Variants in PPP3CA observed in about 807,000 individuals in gnomAD.
PPP3CA encodes protein phosphatase 3 catalytic subunit alpha.
Under a neutral mutation model 66.5 loss-of-function variants are expected in PPP3CA, and 14 were observed. The ratio of observed to expected loss-of-function variants is 0.21; its 90% CI spans 0.14 to 0.33. PPP3CA has a LOEUF of 0.33. Among genes scored for constraint, PPP3CA ranks in the 10% least tolerant of loss-of-function variants. The probability of loss-of-function intolerance (pLI) is 1.00; values close to 1 mark genes in which losing one functional copy is unlikely to be tolerated. For missense variants in PPP3CA, 317 were observed against 639.5 expected (o/e 0.50, Z 5.44); for synonymous variants, 232 against 226.2 (o/e 1.03, Z -0.23).
intron 1 of PPP3CA, among the ~76,000 whole-genome samples, chr4:101,207,645 G>T (rs1436480803): frequency 6.6e-6 from 1 of 152,120 alleles, no homozygotes; most frequent in Admixed American, 6.5e-5. Context: ...TGGCCAACAT[G>T]GTGAAACCCC....
Position 101,223,871 on chromosome 4 carries a change from C to T in PPP3CA, c.59-27755G>A, listed in dbSNP as rs200790655. On this transcript the variant is annotated intron_variant, in intron 1 of 13. Transcript: ENST00000394854. Reference sequence around the variant, plus strand: ...AGAAAATAAACTTCAATATAAACATCTCTTAAAATAAGAAATGTATATTCT... The same window carrying T: ...AGAAAATAAACTTCAATATAAACATTTCTTAAAATAAGAAATGTATATTCT... Among the ~76,000 whole-genome samples, 10 of 151,794 alleles carry T rather than the reference C, an allele frequency of 6.6e-5. No homozygotes were observed. The East Asian group carries it at 1.9e-3, about 30-fold the overall frequency.
At chr4:101,315,616 T>C (rs1350917310) in intron 1 of PPP3CA, among the ~76,000 whole-genome samples, 1 of 152,240 alleles carries the variant, frequency 6.6e-6, no homozygotes, top group African/African-American at 2.4e-5. Context: ...TGGTATCTGC[T>C]AGAATTTAAT....
chr4:101,210,802 A>G (rs1178366847), intron 1 of PPP3CA, among the ~76,000 whole-genome samples: 1 of 152,198 alleles, frequency 6.6e-6, no homozygotes, highest in Non-Finnish European at 1.5e-5. Flanking sequence ...TACTCTTACA[A>G]GGCGGCCTAC....
At chr4:101,316,565 A>C (rs560312891) in intron 1 of PPP3CA, among the ~76,000 whole-genome samples, 2 of 152,302 alleles carry the variant, frequency 1.3e-5, no homozygotes, top group African/African-American at 4.8e-5. Context: ...AAGTTCTGCC[A>C]GTAGAAGTGC....
chr4:101,184,877 A>G (rs980564026), intron 2 of PPP3CA, among the ~76,000 whole-genome samples: 3 of 152,110 alleles, frequency 2.0e-5, no homozygotes, highest in African/African-American at 7.2e-5. Flanking sequence ...TTCCAGGGTG[A>G]GGCAAGGGCT....
In PPP3CA at chr4:101,088,421, C is replaced by A. The variant is rs1420449940; in HGVS notation, c.783-5158G>T. Among the ~76,000 whole-genome samples the A allele has an allele frequency of 2.6e-5, 4 of 151,218 alleles. No homozygotes were observed. The East Asian group carries it at 7.8e-4, about 29-fold the overall frequency. On this transcript the variant is annotated intron_variant, in intron 6 of 13. Transcript: ENST00000394854. ...TAACACAGTGAAACCCTGTCTCTATCAAAAATATAAAAAATTAGCCTGGTG... is the reference window on the plus strand; with the variant it reads ...TAACACAGTGAAACCCTGTCTCTATAAAAAATATAAAAAATTAGCCTGGTG...
intron 1 of PPP3CA, among the ~76,000 whole-genome samples, chr4:101,245,661 A>G (rs1188960378): frequency 2.0e-5 from 3 of 152,062 alleles, no homozygotes; most frequent in Non-Finnish European, 4.4e-5. Context: ...GATCCTCTAA[A>G]TCCTATATTG....
chr4:101,024,543 C>T lies in PPP3CA; in HGVS notation c.*1322G>A, dbSNP rs1420461350. The T allele has an allele frequency of 6.6e-6, 1 of 152,422 alleles. No individual in the cohort carries two copies. The highest frequency in any genetic ancestry group is 1.5e-5 in the Non-Finnish European group (1 of 68,022). 9.4% of individuals were successfully genotyped at this position (152,422 alleles called of 1,614,324 possible). On this transcript the variant is annotated 3_prime_UTR_variant, in exon 14 of 14. Transcript: ENST00000394854. ...AGAATGAACCAGTTGTAACCCGTAA[C>T]TGATATACAAAGGGAAAAAAGTGAA...
chr4:101,051,346 T>C (rs769513268), intron 10 of PPP3CA, among the ~76,000 whole-genome samples: 1 of 152,126 alleles, frequency 6.6e-6, no homozygotes, highest in Non-Finnish European at 1.5e-5. Flanking sequence ...AAGAATGTTT[T>C]AGAAACTGTG....
At chr4:101,275,912 T>A (rs1168094964) in intron 1 of PPP3CA, among the ~76,000 whole-genome samples, 1 of 151,756 alleles carries the variant, frequency 6.6e-6, no homozygotes, top group African/African-American at 2.4e-5. Context: ...TTTGTTTTTT[T>A]TTGAGACAGG....
chr4:101,141,159 C>T (rs1280627576), intron 2 of PPP3CA, among the ~76,000 whole-genome samples: 1 of 152,084 alleles, frequency 6.6e-6, no homozygotes, highest in East Asian at 1.9e-4. Context: ...CACTTGAGGT[C>T]AGGAGTTCGA....
chr4:101,177,343 G>A (rs1289821345), intron 2 of PPP3CA, among the ~76,000 whole-genome samples: 1 of 152,100 alleles, frequency 6.6e-6, no homozygotes, highest in Non-Finnish European at 1.5e-5. Flanking sequence ...AAACCAACAA[G>A]GGCTTTGAGA....
At chr4:101,335,377 T>C (rs1248915255) in intron 1 of PPP3CA, among the ~76,000 whole-genome samples, 1 of 151,970 alleles carries the variant, frequency 6.6e-6, no homozygotes, top group East Asian at 1.9e-4. Context: ...CTTTGTGGCA[T>C]GATTTGAAAA....
intron 1 of PPP3CA, among the ~76,000 whole-genome samples, chr4:101,298,736 A>C (rs1728273479): frequency 6.6e-6 from 1 of 152,154 alleles, no homozygotes; most frequent in African/African-American, 2.4e-5. Context: ...TCCAGCCAAC[A>C]GTAGGCTATT....
intron 10 of PPP3CA, among the ~76,000 whole-genome samples, chr4:101,045,695 T>G (rs28360801): frequency 0.064 from 9,696 of 152,182 alleles, 355 homozygotes; most frequent in African/African-American, 0.093. Flanking sequence ...AAATGCCTGG[T>G]CTAACCTGTA....
intron 1 of PPP3CA, among the ~76,000 whole-genome samples, chr4:101,214,008 C>G (rs986265615): frequency 6.6e-6 from 1 of 152,138 alleles, no homozygotes; most frequent in African/African-American, 2.4e-5. Flanking sequence ...CACTTTCAAA[C>G]CTAGCGTTAA....
chr4:101,025,948 T>C lies in PPP3CA; in HGVS notation c.1483A>G (p.Asn495Asp). ...AGAGCCTTGTTGATGGAGTTAAGGT[T>C]GGCGTCAGAGGGCATGGCATCTCTG... ...PRRDAMPSDA[N>D]LNSINKALTS... The change falls in exon 14 of 14, where the codon AAC (asparagine) becomes GAC (aspartate). Residue 495 changes from asparagine (N) to aspartate (D), a missense_variant. Coordinates refer to ENST00000394854, the MANE Select transcript of PPP3CA (RefSeq NM_000944.5). 2 of 1,613,650 alleles carry C rather than the reference T, an allele frequency of 1.2e-6. No homozygotes were observed. The highest frequency in any genetic ancestry group is 1.7e-6 in the Non-Finnish European group (2 of 1,179,874).
chr4:101,141,436 T>C (rs1722805586), intron 2 of PPP3CA, among the ~76,000 whole-genome samples: 1 of 152,128 alleles, frequency 6.6e-6, no homozygotes, highest in South Asian at 2.1e-4. Context: ...ACTCCTTCTC[T>C]AACCACAGCT....
intron 1 of PPP3CA, among the ~76,000 whole-genome samples, chr4:101,288,863 TATACAC>T (rs2110286551): frequency 6.6e-6 from 1 of 152,120 alleles, no homozygotes; most frequent in South Asian, 2.1e-4. Context: ...CACACACACA[TATACAC>T]AGGCACACAC....
Sources: allele counts gnomAD v4.1 joint callset (sites outside exome capture counted in the v4.1 genomes callset), GRCh38; gene constraint gnomAD v4.1.1; transcripts MANE v1.5; gene names NCBI Gene and HGNC (gene_info 2026-07-23, HGNC 2026-07-21).